The following GRID2 variants were observed in gnomAD, a reference collection of about 807,000 sequenced individuals.
The protein encoded by GRID2 is glutamate receptor ionotropic, delta-2.
GRID2 carries 33 observed loss-of-function variants against 114.8 expected under a neutral mutation model. The ratio of observed to expected loss-of-function variants is 0.29; its 90% CI spans 0.22 to 0.38. The LOEUF (loss-of-function observed/expected upper bound fraction) is 0.38, where lower values mean the gene tolerates loss of function less well. Ranked by LOEUF, GRID2 falls within the 10% of genes least tolerant of loss-of-function variation. The pLI, the probability that GRID2 is intolerant of heterozygous loss-of-function variation, is 1.00. For missense variants in GRID2, 1,184 were observed against 1,257.7 expected (o/e 0.94, Z 0.89); for synonymous variants, 505 against 449.9 (o/e 1.12, Z -1.55).
chr4:92,674,677 A>G (rs62310181), intron 2 of GRID2, among the ~76,000 whole-genome samples: 9,261 of 152,020 alleles, frequency 0.061, 337 homozygotes, highest in East Asian at 0.16. Context: ...ACCTACCACC[A>G]TGCCCAGCTA....
chr4:93,626,333 A>G lies in GRID2; in HGVS notation c.2258A>G (p.Asp753Gly), dbSNP rs1314422416. The part of the protein sequence containing the change: ...AAVLEYVAIN[D>G]PDCSFYTIGN... ...GTATTGGAATATGTGGCTATCAATG[A>G]CCCAGATTGTTCCTTTTACACCATT... is the stretch of plus-strand genomic sequence containing the variant. Residue 753 changes from aspartate to glycine, a missense_variant, in exon 14 of 16, where the codon GAC becomes GGC. Coordinates refer to ENST00000282020, the MANE Select transcript of GRID2 (RefSeq NM_001510.4). The G allele has an allele frequency of 1.2e-6, 2 of 1,602,716 alleles. No homozygotes were observed. Among genetic ancestry groups the G allele is most frequent in the Non-Finnish European group, 1.7e-6 (2 of 1,169,928 alleles).
chr4:92,405,549 G>T (rs551010992), intron 1 of GRID2, among the ~76,000 whole-genome samples: 1 of 152,024 alleles, frequency 6.6e-6, no homozygotes, highest in African/African-American at 2.4e-5. Flanking sequence ...CTTGCTGTGG[G>T]TGTTAAAATC....
intron 12 of GRID2, among the ~76,000 whole-genome samples, chr4:93,513,033 C>T (rs1251589990): frequency 6.6e-6 from 1 of 152,102 alleles, no homozygotes; most frequent in East Asian, 1.9e-4. Context: ...ATCTCACCTC[C>T]ATTAGATTAA....
chr4:92,823,762 C>G (rs1344588315), intron 2 of GRID2, among the ~76,000 whole-genome samples: 21 of 152,056 alleles, frequency 1.4e-4, no homozygotes, highest in Admixed American at 1.4e-3. Context: ...CTTCTAAGCC[C>G]TTTTGTTTAT....
At chr4:92,773,529 T>C (rs1303507319) in intron 2 of GRID2, among the ~76,000 whole-genome samples, 1 of 152,112 alleles carries the variant, frequency 6.6e-6, no homozygotes, top group African/African-American at 2.4e-5. Flanking sequence ...ATGTAAAATA[T>C]ACTATGAAAG....
intron 1 of GRID2, among the ~76,000 whole-genome samples, chr4:92,491,421 T>G (rs1263461615): frequency 6.6e-6 from 1 of 152,150 alleles, no homozygotes; most frequent in Non-Finnish European, 1.5e-5. Flanking sequence ...TAAGCCTTCT[T>G]GTGTACTTTT....
chr4:92,482,092 TA>T (rs1403919875), intron 1 of GRID2, among the ~76,000 whole-genome samples: 4 of 144,266 alleles, frequency 2.8e-5, no homozygotes, highest in African/African-American at 1.0e-4. Context: ...AAGATTTATA[TA>T]TATCTATATT....
At chr4:92,440,423 CT>C (rs552183082) in intron 1 of GRID2, among the ~76,000 whole-genome samples, 133 of 151,658 alleles carry the variant, frequency 8.8e-4, no homozygotes, top group Non-Finnish European at 1.2e-3. Flanking sequence ...GTGAAAGTGT[CT>C]ACCTAGACTA....
At chr4:93,632,492 G>A (rs1024084789) in intron 14 of GRID2, among the ~76,000 whole-genome samples, 14 of 152,042 alleles carry the variant, frequency 9.2e-5, no homozygotes, top group African/African-American at 3.1e-4. Flanking sequence ...CCCATTTCTT[G>A]TTTTTGTCAG....
At chr4:92,841,410 A>G (rs1244043124) in intron 2 of GRID2, among the ~76,000 whole-genome samples, 1 of 152,076 alleles carries the variant, frequency 6.6e-6, no homozygotes, top group Non-Finnish European at 1.5e-5. Context: ...CGGGGTTACA[A>G]GCTTATTTGA....
chr4:92,517,114 C>T (rs1453957870), intron 1 of GRID2, among the ~76,000 whole-genome samples: 4 of 151,954 alleles, frequency 2.6e-5, no homozygotes, highest in East Asian at 2.0e-4. Flanking sequence ...CAATTTGCCA[C>T]GTACTGGATG....
At chr4:92,847,602 T>C (rs888516407) in intron 2 of GRID2, among the ~76,000 whole-genome samples, 1 of 152,114 alleles carries the variant, frequency 6.6e-6, no homozygotes. Flanking sequence ...TTCAGATCTC[T>C]GTAATTTTAA....
chr4:92,517,311 T>G (rs2149136584), intron 1 of GRID2, among the ~76,000 whole-genome samples: 1 of 152,060 alleles, frequency 6.6e-6, no homozygotes, highest in East Asian at 1.9e-4. Context: ...TTGCTTTATT[T>G]ATTCAAACAC....
intron 1 of GRID2, among the ~76,000 whole-genome samples, chr4:92,566,806 G>C (rs1727359866): frequency 6.6e-6 from 1 of 152,054 alleles, no homozygotes; most frequent in African/African-American, 2.4e-5. Flanking sequence ...ATATTACAGA[G>C]TTTCACTCAA....
chr4:93,524,819 G>GTATATATA (rs1307000620), intron 13 of GRID2, among the ~76,000 whole-genome samples: 104 of 52,058 alleles, frequency 2.0e-3, no homozygotes, highest in Admixed American at 4.3e-3. Context: ...ATATATGTAT[G>GTATATATA]TATGTATATA....
chr4:93,090,764 A>G (rs1730715264), intron 3 of GRID2, among the ~76,000 whole-genome samples: 1 of 152,120 alleles, frequency 6.6e-6, no homozygotes, highest in South Asian at 2.1e-4. Flanking sequence ...TACAAAAGTT[A>G]TAGTACTGGA....
At chr4:92,783,286 C>G (rs1268097938) in intron 2 of GRID2, among the ~76,000 whole-genome samples, 4 of 151,894 alleles carry the variant, frequency 2.6e-5, no homozygotes, top group Non-Finnish European at 5.9e-5. Flanking sequence ...TTGTTTTCAC[C>G]CGCAAAAATG....
intron 1 of GRID2, among the ~76,000 whole-genome samples, chr4:92,546,368 T>A (rs1369320868): frequency 6.6e-6 from 1 of 152,216 alleles, no homozygotes; most frequent in Admixed American, 6.5e-5. Flanking sequence ...TGCCATGTTT[T>A]CAGACAGACC....
chr4:93,366,091 G>A (rs932579621), intron 8 of GRID2, among the ~76,000 whole-genome samples: 1 of 152,018 alleles, frequency 6.6e-6, no homozygotes, highest in Non-Finnish European at 1.5e-5. Context: ...TGTACAGCAT[G>A]TGTGTTTGAG....
Sources: allele counts gnomAD v4.1 joint callset (sites outside exome capture counted in the v4.1 genomes callset), GRCh38; gene constraint gnomAD v4.1.1; transcripts MANE v1.5; gene names NCBI Gene and HGNC (gene_info 2026-07-23, HGNC 2026-07-21).